The following CELF2 variants were observed in gnomAD, a reference collection of about 807,000 sequenced individuals.
CELF2 encodes CUG triplet repeat RNA-binding protein 2.
In CELF2, 8 loss-of-function variants were observed where a neutral mutation model predicts 62.6. That is an observed-to-expected ratio of 0.13 (90% CI 0.07 to 0.23). The LOEUF is 0.23. CELF2 is among the 10% of genes least tolerant of loss of function. CELF2 has a pLI of 1.00. For missense variants in CELF2, 333 were observed against 671.0 expected, an observed-to-expected ratio of 0.50 and a Z score of 5.56; for synonymous variants, 258 against 250.0, an observed-to-expected ratio of 1.03 and a Z score of -0.30.
the CELF2 span, among the ~76,000 whole-genome samples, chr10:10,623,414 C>T: frequency 6.6e-6 from 1 of 152,206 alleles, no homozygotes; most frequent in South Asian, 2.1e-4. Context: ...TATTCTGATT[C>T]TGCAAAAATG....
chr10:10,501,357 A>G, the CELF2 span, among the ~76,000 whole-genome samples: 1 of 152,200 alleles, frequency 6.6e-6, no homozygotes, highest in Non-Finnish European at 1.5e-5. Flanking sequence ...CTACTTGCTA[A>G]TGATGTTGAA....
At chr10:10,678,391 G>A in the CELF2 span, among the ~76,000 whole-genome samples, 1 of 152,024 alleles carries the variant, frequency 6.6e-6, no homozygotes, top group Non-Finnish European at 1.5e-5. Flanking sequence ...TCAATGATCT[G>A]GCTGTAAAGA....
the CELF2 span, among the ~76,000 whole-genome samples, chr10:10,742,873 T>A: frequency 6.6e-6 from 1 of 152,222 alleles, no homozygotes; most frequent in African/African-American, 2.4e-5. Context: ...GAGAGTGGCA[T>A]CTTCATGAGA....
chr10:11,073,686 T>C lies in CELF2; in HGVS notation c.74+55523T>C, dbSNP rs150221913. 4.8e-3 allele frequency among the ~76,000 whole-genome samples: 733 copies of C among 152,342 alleles called. 6 individuals carry two copies. The highest frequency in any genetic ancestry group is 0.017 in the African/African-American group (716 of 41,560). On this transcript the variant is annotated intron_variant, in intron 1 of 12. Coordinates refer to ENST00000633077, the MANE Select transcript of CELF2 (RefSeq NM_001326342.2). ...GGTGACCATGGCATCAGAATGGCCTTGGGCCTCACAGAGTGCTGATCTTAC... is the reference window on the plus strand; with the variant it reads ...GGTGACCATGGCATCAGAATGGCCTCGGGCCTCACAGAGTGCTGATCTTAC...
At chr10:10,883,052 A>G (rs1418599535) in intron 1 of CELF2, among the ~76,000 whole-genome samples, 1 of 152,220 alleles carries the variant, frequency 6.6e-6, no homozygotes, top group Non-Finnish European at 1.5e-5. Flanking sequence ...TAGCACCAGG[A>G]GCAAGACTAA....
the CELF2 span, among the ~76,000 whole-genome samples, chr10:10,648,498 G>A: frequency 6.6e-6 from 1 of 152,190 alleles, no homozygotes; most frequent in Non-Finnish European, 1.5e-5. Flanking sequence ...AAGGGTTGCA[G>A]TAGGTAAAAG....
chr10:10,513,759 A>G, the CELF2 span, among the ~76,000 whole-genome samples: 4 of 152,338 alleles, frequency 2.6e-5, no homozygotes, highest in Admixed American at 2.0e-4. Flanking sequence ...GATTTCACTT[A>G]CAGACCATGC....
the CELF2 span, among the ~76,000 whole-genome samples, chr10:10,513,428 A>G: frequency 0.4 from 61,433 of 151,978 alleles, 12,789 homozygotes; most frequent in Non-Finnish European, 0.46. Context: ...AGGCTTTTTA[A>G]AAAGGAAAAT....
chr10:10,961,561 A>G (rs970894595), intron 2 of CELF2, among the ~76,000 whole-genome samples: 2 of 152,072 alleles, frequency 1.3e-5, no homozygotes, highest in Non-Finnish European at 2.9e-5. Flanking sequence ...AGCCTGGGCA[A>G]CATGGCAAAA....
At chr10:11,020,904 C>G (rs1244440567) in intron 1 of CELF2, among the ~76,000 whole-genome samples, 1 of 152,166 alleles carries the variant, frequency 6.6e-6, no homozygotes, top group African/African-American at 2.4e-5. Flanking sequence ...GGTATCAAAA[C>G]TATAAATGGA....
chr10:11,057,942 G>A (rs1173251477), intron 1 of CELF2, among the ~76,000 whole-genome samples: 1 of 152,028 alleles, frequency 6.6e-6, no homozygotes, highest in Non-Finnish European at 1.5e-5. Flanking sequence ...CATGTTAAAT[G>A]GAAGCTTTTT....
At chr10:11,045,167 G>A (rs535708823) in intron 1 of CELF2, among the ~76,000 whole-genome samples, 13 of 152,290 alleles carry the variant, frequency 8.5e-5, no homozygotes, top group African/African-American at 2.9e-4. Flanking sequence ...TTTTATTTTG[G>A]AGGTAGGATC....
At chr10:11,133,088 T>C (rs2059860167) in intron 1 of CELF2, among the ~76,000 whole-genome samples, 2 of 152,186 alleles carry the variant, frequency 1.3e-5, no homozygotes, top group South Asian at 4.1e-4. Context: ...CTGTAGTACA[T>C]GTGTCCTCTA....
In CELF2 at chr10:11,087,507, T is replaced by C. The variant is rs1425187620; in HGVS notation, c.74+69344T>C. Among the ~76,000 whole-genome samples, 10 of 152,314 alleles carry C rather than the reference T, an allele frequency of 6.6e-5. No homozygotes were observed. The South Asian group carries it at 2.1e-3, about 32-fold the overall frequency. ...TAAATTATGCCCTTCTGACGGCCCG[T>C]CGACTGACGTAGAACATGGCACTGT... On this transcript the variant is annotated intron_variant, in intron 1 of 12. Transcript: ENST00000633077.
At chr10:10,581,205 G>T in the CELF2 span, among the ~76,000 whole-genome samples, 1 of 152,152 alleles carries the variant, frequency 6.6e-6, no homozygotes, top group Non-Finnish European at 1.5e-5. Flanking sequence ...AAAAGATGTG[G>T]TCCTATTCAT....
chr10:10,722,695 T>C, the CELF2 span, among the ~76,000 whole-genome samples: 1 of 152,252 alleles, frequency 6.6e-6, no homozygotes, highest in Non-Finnish European at 1.5e-5. Flanking sequence ...GACTGCTGTG[T>C]ATGAACCAGC....
At chr10:10,796,045 A>G (rs1564633008), upstream of CELF2, among the ~76,000 whole-genome samples, 1 of 152,108 alleles carries the variant, frequency 6.6e-6, no homozygotes, top group Admixed American at 6.5e-5. Context: ...AGACCACTGA[A>G]GCTGATTTTC....
rs1015915782 is a variant in CELF2 at position 11,046,117 on chromosome 10, A to G, written c.74+27954A>G. On this transcript the variant is annotated intron_variant, in intron 1 of 12. Transcript: ENST00000633077. This position sits in a 1 kb window ranked among gnomAD's most constrained non-coding sequence, Gnocchi z 4.6. ...TGTCTACACCTTCCAGCTCTGTTCT[A>G]TTTGCTGCTGTTTAATGTTTTCCTG... Among the ~76,000 whole-genome samples, 11 of 152,054 alleles carry G rather than the reference A, an allele frequency of 7.2e-5. No homozygotes were observed. Among genetic ancestry groups the G allele is most frequent in the East Asian group, 1.9e-4 (1 of 5,178 alleles).
intron 12 of CELF2, among the ~76,000 whole-genome samples, chr10:11,327,416 C>A (rs2095808566): frequency 6.6e-6 from 1 of 152,182 alleles, no homozygotes; most frequent in Non-Finnish European, 1.5e-5. Context: ...CTGATGTAAA[C>A]CATAGCTGTT....
Sources: allele counts gnomAD v4.1 joint callset (sites outside exome capture counted in the v4.1 genomes callset), GRCh38; gene constraint gnomAD v4.1.1; non-coding constraint Gnocchi (gnomAD v3.1); transcripts MANE v1.5; gene names NCBI Gene and HGNC (gene_info 2026-07-23, HGNC 2026-07-21).